The following GON4L variants were observed in gnomAD, a reference collection of about 807,000 sequenced individuals.
The protein encoded by GON4L is GON-4-like protein.
A neutral mutation model predicts 211.8 loss-of-function variants in GON4L; 87 were observed. That is an observed-to-expected ratio of 0.41 (90% CI 0.35 to 0.49). The LOEUF is 0.49. Among genes scored for constraint, GON4L ranks in the 20% least tolerant of loss-of-function variants. GON4L has a pLI of 0.15. For synonymous variants in GON4L, 875 were observed against 962.6 expected, an observed-to-expected ratio of 0.91 and a Z score of 1.68; for missense variants, 2,155 against 2,659.5, an observed-to-expected ratio of 0.81 and a Z score of 4.17.
In GON4L at chr1:155,853,440, A is replaced by C; in HGVS notation, c.341T>G (p.Leu114Arg). The change falls in exon 2 of 32, where the codon CTT becomes CGT. Residue 114 changes from leucine (L) to arginine (R), a missense_variant. Physicochemically the swap from Leu to Arg is moderately radical, Grantham distance 102. Transcript: ENST00000368331. The stretch of plus-strand genomic sequence containing the variant: ...TTTTCCTTTACCAATGTGTATATTA[A>C]GGGGGTGAAAAGACTCCAAGGAAGG... ...TLPSLESFHPLNIHIGKGKLH... is the reference protein window; with the variant it reads ...TLPSLESFHPRNIHIGKGKLH... 6.2e-7 allele frequency: 1 copy of C among 1,614,120 alleles called. No homozygotes were observed. Among genetic ancestry groups the C allele is most frequent in the Non-Finnish European group, 8.5e-7 (1 of 1,179,990 alleles).
intron 10 of GON4L, among the ~76,000 whole-genome samples, chr1:155,811,727 G>C (rs1667793764): frequency 8.4e-6 from 1 of 119,662 alleles, no homozygotes; most frequent in South Asian, 2.9e-4. Flanking sequence ...CTGCACTCCA[G>C]CCTGGGAGAC....
In GON4L at chr1:155,765,509, C is replaced by T; in HGVS notation, c.3964G>A (p.Glu1322Lys). ...SLNNPTPGDL[E>K]EIVKMEPEEA... ...TCAGGTTCCATCTTGACAATTTCCT[C>T]TAAATCCCCAGGGGTAGGGTTGTTT... Residue 1322 changes from glutamate to lysine, a missense_variant, in exon 21 of 32, where the codon GAG becomes AAG. Glu to Lys is a moderately conservative substitution (Grantham distance 56). This residue lies in a region of GON4L where 615 missense variants were observed against 625.7 expected (regional missense o/e 0.98). Transcript: ENST00000368331. 1.2e-6 allele frequency: 2 copies of T among 1,614,218 alleles called. No homozygotes were observed. Among genetic ancestry groups the T allele is most frequent in the South Asian group, 1.1e-5 (1 of 91,084 alleles).
chr1:155,814,318 A>T lies in GON4L; in HGVS notation c.1281+12T>A. 1 of 1,610,464 alleles carries T rather than the reference A, an allele frequency of 6.2e-7. No individual in the cohort carries two copies. The highest frequency in any genetic ancestry group is 8.5e-7 in the Non-Finnish European group (1 of 1,177,254). ...TTATGTCTAACATCTCTTTTGTATG[A>T]TGCCGATTTACCTCTGATAATATGC... On this transcript the variant is annotated intron_variant, in intron 9 of 31. Transcript: ENST00000368331.
intron 11 of GON4L, among the ~76,000 whole-genome samples, chr1:155,803,188 T>C (rs1056699003): frequency 6.6e-6 from 1 of 152,192 alleles, no homozygotes; most frequent in Non-Finnish European, 1.5e-5. Flanking sequence ...TTTCATTCAC[T>C]TATCCTGACT....
At position 155,766,253 on chromosome 1, in the gene GON4L, C is replaced by A; in HGVS notation, c.3220G>T (p.Ala1074Ser). The A allele has an allele frequency of 1.2e-6, 2 of 1,614,154 alleles. No individual in the cohort carries two copies. The highest frequency in any genetic ancestry group is 1.6e-4 in the Middle Eastern group (1 of 6,062). ...ESFESPAALP[A>S]VPPEARTSFP... ...CTTGTCCTGGCCTCAGGGGGCACAG[C>A]AGGCAGTGCTGCAGGAGACTCAAAA... Residue 1074 changes from alanine to serine, a missense_variant, in exon 21 of 32, where the codon GCT (alanine) becomes TCT (serine). Transcript: ENST00000368331.
intron 28 of GON4L, among the ~76,000 whole-genome samples, chr1:155,753,835 C>T (rs1346103960): frequency 6.6e-6 from 1 of 151,984 alleles, no homozygotes; most frequent in Non-Finnish European, 1.5e-5. Flanking sequence ...CCTGAGCCTC[C>T]TGAGTGCCCT....
At chr1:155,838,325 G>A (rs1459703916) in intron 2 of GON4L, among the ~76,000 whole-genome samples, 4 of 152,104 alleles carry the variant, frequency 2.6e-5, no homozygotes, top group African/African-American at 7.2e-5. Context: ...TAAATAAGAC[G>A]AATTTAAGAT....
At chr1:155,749,218 C>G, downstream of GON4L, 1 of 1,450,866 alleles carries the variant, frequency 6.9e-7, no homozygotes, top group Non-Finnish European at 9.4e-7. Flanking sequence ...CACCATTGCA[C>G]TCCAGTCTGG....
At chr1:155,841,107 T>A (rs557493857) in intron 2 of GON4L, among the ~76,000 whole-genome samples, 1 of 152,386 alleles carries the variant, frequency 6.6e-6, no homozygotes, top group East Asian at 1.9e-4. Flanking sequence ...TGCCTCTATA[T>A]GAATTAATAT....
intron 12 of GON4L, among the ~76,000 whole-genome samples, chr1:155,786,643 T>C (rs751799062): frequency 6.6e-6 from 1 of 152,184 alleles, no homozygotes; most frequent in Non-Finnish European, 1.5e-5. Flanking sequence ...CCAGAGAACA[T>C]ACCTAACACA....
chr1:155,747,771 A>T (rs776504434), downstream of GON4L: 2 of 1,613,838 alleles, frequency 1.2e-6, no homozygotes, highest in South Asian at 1.1e-5. Flanking sequence ...GGGCTTCCAG[A>T]TCCTGTGTGA....
intron 19 of GON4L, among the ~76,000 whole-genome samples, chr1:155,768,332 C>T (rs1209138774): frequency 7.4e-6 from 1 of 134,236 alleles, no homozygotes; most frequent in Non-Finnish European, 1.6e-5. Context: ...AAAGAATAGG[C>T]CAGGCGCAGT....
intron 3 of GON4L, among the ~76,000 whole-genome samples, chr1:155,826,086 G>A (rs578118168): frequency 5.9e-5 from 9 of 151,986 alleles, no homozygotes; most frequent in Non-Finnish European, 1.3e-4. Context: ...GACGGCACGC[G>A]CTTATAGTCC....
At chr1:155,789,817 T>C (rs943085702) in intron 12 of GON4L, among the ~76,000 whole-genome samples, 22 of 152,042 alleles carry the variant, frequency 1.4e-4, no homozygotes, top group African/African-American at 5.3e-4. Context: ...GATGCTCAAG[T>C]CCCTTATATA....
intron 24 of GON4L, among the ~76,000 whole-genome samples, 192 bp downstream of exon 24, chr1:155,760,252 T>C (rs1661653343): frequency 6.6e-6 from 1 of 151,960 alleles, no homozygotes; most frequent in Non-Finnish European, 1.5e-5. Context: ...ATTTATCATG[T>C]AAAGAAAATG....
At chr1:155,756,671 T>C (rs1012408825) in intron 27 of GON4L, 2 of 356,820 alleles carry the variant, frequency 5.6e-6, no homozygotes, top group Non-Finnish European at 1.1e-5. Context: ...ACACTTGTAA[T>C]CCCAGCACTT....
intron 7 of GON4L, 107 bp downstream of exon 7, chr1:155,816,105 G>T (rs1191444809): frequency 4.2e-6 from 3 of 714,414 alleles, no homozygotes; most frequent in Non-Finnish European, 7.5e-6. Context: ...AACAAAGCTG[G>T]AATTAAAACA....
At chr1:155,778,979 C>T (rs1324228085) in intron 14 of GON4L, among the ~76,000 whole-genome samples, 1 of 151,984 alleles carries the variant, frequency 6.6e-6, no homozygotes, top group Non-Finnish European at 1.5e-5. Context: ...TGATAACCTG[C>T]TTGTTGGCCG....
At chr1:155,818,664 G>A (rs1348100481) in intron 6 of GON4L, among the ~76,000 whole-genome samples, 3 of 152,162 alleles carry the variant, frequency 2.0e-5, no homozygotes, top group Non-Finnish European at 4.4e-5. Context: ...CTAACTACTA[G>A]TCAAACCATA....
Sources: gnomAD v4.1 joint callset for allele counts (sites outside exome capture counted in the v4.1 genomes callset) on GRCh38, gnomAD v4.1.1 for gene constraint, gnomAD v4.1.1 regional missense constraint, MANE v1.5 for transcripts, NCBI Gene and HGNC (gene_info 2026-07-23, HGNC 2026-07-21) for gene names.